The following ASPSCR1 variants were observed in gnomAD, a reference collection of about 807,000 sequenced individuals.
ASPSCR1 encodes the protein ASPSCR1 tether for SLC2A4, UBX domain containing, also known as tether containing UBX domain for GLUT4.
ASPSCR1 carries 55 observed loss-of-function variants against 68.9 expected under a neutral mutation model. The ratio of observed to expected loss-of-function variants is 0.80; its 90% confidence interval spans 0.64 to 1.00. The LOEUF is 1.00. ASPSCR1 is among the 50% of genes least tolerant of loss of function. The probability of loss-of-function intolerance (pLI) is 0.00; values close to 1 mark genes in which losing one functional copy is unlikely to be tolerated. For synonymous variants in ASPSCR1, 352 were observed against 332.6 expected, an observed-to-expected ratio of 1.06 and a Z score of -0.63; for missense variants, 765 against 762.2, an observed-to-expected ratio of 1.00 and a Z score of -0.04.
At chr17:82,001,873 C>T (rs553648169) in intron 7 of ASPSCR1, among the ~76,000 whole-genome samples, 42 of 152,224 alleles carry the variant, frequency 2.8e-4, no homozygotes, top group Non-Finnish European at 5.6e-4. Context: ...GGTGTTGGTG[C>T]GCTTTATCCA....
Position 81,996,786 on chromosome 17 carries a change from CCAGCAG to C in ASPSCR1, c.874_879del (p.Gln292_Gln293del), listed in dbSNP as rs778158732. On this transcript the variant is annotated inframe_deletion, in exon 7 of 16. Transcript: ENST00000306739. Reference sequence around the variant, plus strand: ...AGAAGTCCAAGTCGGGCCAGGATCCCCAGCAGGAGCAGGAGCAGGAGCGGGAGCGGG... The same window carrying C: ...AGAAGTCCAAGTCGGGCCAGGATCCCGAGCAGGAGCAGGAGCGGGAGCGGG... The C allele has an allele frequency of 6.2e-6, 10 of 1,611,066 alleles. No individual in the cohort carries two copies. The East Asian group carries it at 1.8e-4, about 29-fold the overall frequency.
Position 81,987,641 on chromosome 17 carries a change from G to A in ASPSCR1, c.374+2034G>A, listed in dbSNP as rs777018835. Among the ~76,000 whole-genome samples the A allele has an allele frequency of 2.0e-5, 3 of 152,188 alleles. No homozygotes were observed. Among genetic ancestry groups the A allele is most frequent in the Non-Finnish European group, 2.9e-5 (2 of 68,038 alleles). On this transcript the variant is annotated intron_variant, in intron 4 of 15. Coordinates refer to ENST00000306739, the MANE Select transcript of ASPSCR1 (RefSeq NM_024083.4). The surrounding 1 kb of genome is among the most constrained non-coding windows in gnomAD (Gnocchi z 5.6). Reference sequence around the variant, plus strand: ...TGGGGCCGGCATTGTGGTAGCATAAGCCTCTTCAACAGACTTTGTAAACCT... The same window carrying A: ...TGGGGCCGGCATTGTGGTAGCATAAACCTCTTCAACAGACTTTGTAAACCT...
intron 12 of ASPSCR1, 110 bp downstream of exon 12, chr17:82,012,393 G>A (rs1415133301): frequency 2.3e-6 from 3 of 1,331,036 alleles, no homozygotes; most frequent in Non-Finnish European, 2.1e-6. Context: ...GCTGGGGCAG[G>A]ATAATAAAGC....
rs1267559477 is a variant in ASPSCR1 at position 82,010,884 on chromosome 17, G to A, written c.1237+16G>A. On this transcript the variant is annotated intron_variant, in intron 10 of 15. Transcript: ENST00000306739. ...AGCGAGACAGGTGGGCAGCGCTGTG[G>A]GGTGTCCGGGGATGGGGGGCAGGGG... The A allele has an allele frequency of 6.2e-7, 1 of 1,609,972 alleles. No individual in the cohort carries two copies. Among genetic ancestry groups the A allele is most frequent in the Non-Finnish European group, 8.5e-7 (1 of 1,179,474 alleles).
intron 11 of ASPSCR1, 93 bp from the exon 12 acceptor site, chr17:82,012,138 C>A (rs750999958): frequency 1.4e-6 from 2 of 1,406,752 alleles, no homozygotes; most frequent in Non-Finnish European, 2.0e-6. Context: ...CCACTTGAGG[C>A]GTCACCCCCA....
In ASPSCR1 at chr17:81,999,692, C is replaced by T. The variant is rs1401267124; in HGVS notation, c.933+2846C>T. On this transcript the variant is annotated intron_variant, in intron 7 of 15. Coordinates refer to ENST00000306739, the MANE Select transcript of ASPSCR1 (RefSeq NM_024083.4). The surrounding 1 kb of genome is among the most constrained non-coding windows in gnomAD (Gnocchi z 4.4). The stretch of plus-strand genomic sequence containing the variant: ...GGCTCTGTGCACATGGCCCCGGCCT[C>T]GGCTGTCCCCTGGGCACTCGTGCTA... Among the ~76,000 whole-genome samples the T allele has an allele frequency of 1.3e-5, 2 of 152,054 alleles. No individual in the cohort carries two copies. The highest frequency in any genetic ancestry group is 2.9e-5 in the Non-Finnish European group (2 of 67,990).
At chr17:82,015,496 G>A in intron 12 of ASPSCR1, 1 of 1,160,412 alleles carries the variant, frequency 8.6e-7, no homozygotes, top group Non-Finnish European at 1.2e-6. Flanking sequence ...CCGTGGGGCA[G>A]TGCTGGTTGG....
At position 81,986,764 on chromosome 17, in the gene ASPSCR1, T is replaced by C. The variant is rs952872658; in HGVS notation, c.374+1157T>C. On this transcript the variant is annotated intron_variant, in intron 4 of 15. Transcript: ENST00000306739. This position sits in a 1 kb window ranked among gnomAD's most constrained non-coding sequence, Gnocchi z 5.2. ...GCGCGTCGGGCGCTGGGAAGGTGAC[T>C]GTGCGTTGGGCGCGCTTGGTGGCCC... Among the ~76,000 whole-genome samples the C allele has an allele frequency of 3.2e-5, 4 of 124,888 alleles. No individual in the cohort carries two copies. Among genetic ancestry groups the C allele is most frequent in the African/African-American group, 1.1e-4 (3 of 26,408 alleles). The allele number at this position is 124,888 out of a possible 152,430, so 81.9% of individuals were successfully genotyped here.
intron 3 of ASPSCR1, among the ~76,000 whole-genome samples, chr17:81,984,602 A>G (rs2041903697): frequency 6.6e-6 from 1 of 151,828 alleles, no homozygotes; most frequent in South Asian, 2.1e-4. Flanking sequence ...AAGAGCAGCA[A>G]ACATTTACCA....
rs924137697 is a variant in ASPSCR1, at chr17:82,009,577, C to T, written c.1170+10C>T. 1 of 942,452 alleles carries T rather than the reference C, an allele frequency of 1.1e-6. No individual in the cohort carries two copies. The highest frequency in any genetic ancestry group is 1.4e-6 in the Non-Finnish European group (1 of 739,888). The allele number at this position is 942,452 out of a possible 1,614,324, so 58.4% of individuals were successfully genotyped here. A position where few individuals can be genotyped will look rare whatever the true frequency, so the allele number is the denominator to read the frequency against. On this transcript the variant is annotated intron_variant, in intron 9 of 15. Coordinates refer to ENST00000306739, the MANE Select transcript of ASPSCR1 (RefSeq NM_024083.4). The stretch of plus-strand genomic sequence containing the variant: ...GGAGCGCTACCCAAAGGTCTGCAGA[C>T]AGGATGTGGGGGCGACTGAGGCACA...
chr17:82,016,541 G>C lies in ASPSCR1; in HGVS notation c.1405+14G>C. The C allele has an allele frequency of 1.3e-6, 2 of 1,549,272 alleles. No individual in the cohort carries two copies. Among genetic ancestry groups the C allele is most frequent in the Non-Finnish European group, 1.7e-6 (2 of 1,146,910 alleles). Reference sequence around the variant, plus strand: ...AGGAGCCGGCAGGTGAGTGTCAGTGGTTGGGGCCAGTGTCGGAGTCCAGCC... The same window carrying C: ...AGGAGCCGGCAGGTGAGTGTCAGTGCTTGGGGCCAGTGTCGGAGTCCAGCC... On this transcript the variant is annotated intron_variant, in intron 13 of 15. Transcript: ENST00000306739.
In ASPSCR1 at chr17:81,987,942, G is replaced by A. The variant is rs2042048246; in HGVS notation, c.374+2335G>A. On this transcript the variant is annotated intron_variant, in intron 4 of 15. Transcript: ENST00000306739. This position sits in a 1 kb window ranked among gnomAD's most constrained non-coding sequence, Gnocchi z 5.6. The stretch of plus-strand genomic sequence containing the variant: ...TGGGAGGCTGAGGCGGGTGGATCAC[G>A]AGGTCAGGAGTTCGAGACCAGCCTG... Among the ~76,000 whole-genome samples the A allele has an allele frequency of 6.6e-6, 1 of 151,664 alleles. No individual in the cohort carries two copies.
chr17:82,012,638 A>G (rs2042989904), intron 12 of ASPSCR1, among the ~76,000 whole-genome samples: 1 of 152,090 alleles, frequency 6.6e-6, no homozygotes, highest in African/African-American at 2.4e-5. Flanking sequence ...CAGGCCTCGG[A>G]GCAGGGCTCA....
chr17:81,979,291 C>A (rs771921352), intron 2 of ASPSCR1, 52 bp downstream of exon 2: 1 of 1,569,166 alleles, frequency 6.4e-7, no homozygotes, highest in South Asian at 1.1e-5. Flanking sequence ...GTGCCCCTGC[C>A]CCCTGAACAT....
intron 3 of ASPSCR1, among the ~76,000 whole-genome samples, chr17:81,985,085 T>A: frequency 1.0e-5 from 1 of 96,436 alleles, no homozygotes; most frequent in Non-Finnish European, 2.0e-5. Flanking sequence ...CACACACACC[T>A]ACACATCTGC....
rs77493122 is a variant in ASPSCR1 at position 82,016,794 on chromosome 17, C to T, written c.1406-6C>T. The T allele has an allele frequency of 1.5e-3, 2,424 of 1,608,674 alleles. 39 individuals are homozygous for T. In the African/African-American group the frequency reaches 0.029, roughly 19 times the overall value. On this transcript the variant is annotated splice_region_variant and splice_polypyrimidine_tract_variant and intron_variant, in intron 13 of 15. Transcript: ENST00000306739. ...AGGCTCAGGGTGAGCTTGGGCCTCCCTGCAGGTGTCTACCTGGAGCCTGGC... is the reference window on the plus strand; with the variant it reads ...AGGCTCAGGGTGAGCTTGGGCCTCCTTGCAGGTGTCTACCTGGAGCCTGGC...
chr17:82,016,599 G>A (rs184828379), intron 13 of ASPSCR1, 72 bp downstream of exon 13: 341 of 1,537,032 alleles, frequency 2.2e-4, no homozygotes, highest in African/African-American at 2.1e-3. Flanking sequence ...CCAGCTGCCC[G>A]GGAGGGCGTT....
At position 81,977,873 on chromosome 17, in the gene ASPSCR1, G is replaced by A. The variant is rs1407992116; in HGVS notation, c.102+125G>A. ...CTCGGCGGCCAATGAGCGGCCTCCTGAGCGGCGGCCCCGCCCCCTGCTCGC... is the reference window on the plus strand; with the variant it reads ...CTCGGCGGCCAATGAGCGGCCTCCTAAGCGGCGGCCCCGCCCCCTGCTCGC... On this transcript the variant is annotated intron_variant, in intron 1 of 15. Transcript: ENST00000306739. This position sits in a 1 kb window ranked among gnomAD's most constrained non-coding sequence, Gnocchi z 5.0. 1 of 664,966 alleles carries A rather than the reference G, an allele frequency of 1.5e-6. No homozygotes were observed. The highest frequency in any genetic ancestry group is 1.9e-5 in the African/African-American group (1 of 52,252). The allele number at this position is 664,966 out of a possible 1,614,324, so 41.2% of individuals were successfully genotyped here. A position where few individuals can be genotyped will look rare whatever the true frequency, so the allele number is the denominator to read the frequency against.
intron 12 of ASPSCR1, 128 bp downstream of exon 12, chr17:82,012,411 A>G: frequency 8.7e-7 from 1 of 1,155,510 alleles, no homozygotes; most frequent in Non-Finnish European, 1.2e-6. Context: ...AGCCTTTGAG[A>G]GCCGGTGGGT....
Sources: gnomAD v4.1 joint callset for allele counts (sites outside exome capture counted in the v4.1 genomes callset) on GRCh38, gnomAD v4.1.1 for gene constraint, Gnocchi (gnomAD v3.1) non-coding constraint, MANE v1.5 for transcripts, NCBI Gene and HGNC (gene_info 2026-07-23, HGNC 2026-07-21) for gene names.